NDUFA10: variants seen among roughly 807,000 people sequenced by gnomAD.
NDUFA10 encodes the protein NADH dehydrogenase [ubiquinone] 1 alpha subcomplex subunit 10, mitochondrial.
NDUFA10 carries 40 observed loss-of-function variants against 47.8 expected under a neutral mutation model. That is an observed-to-expected ratio of 0.84 (90% CI 0.65 to 1.09). NDUFA10 has a LOEUF of 1.09. Among genes scored for constraint, NDUFA10 ranks in the 50% least tolerant of loss-of-function variants. The pLI is 0.00. For missense variants in NDUFA10, 413 were observed against 451.1 expected (o/e 0.92, Z 0.76); for synonymous variants, 183 against 172.2 (o/e 1.06, Z -0.49).
At chr2:240,007,283 G>A in intron 7 of NDUFA10, 33 bp downstream of exon 7, 1 of 1,494,858 alleles carries the variant, frequency 6.7e-7, no homozygotes, top group South Asian at 1.1e-5. Flanking sequence ...TCAAATGTAG[G>A]AATAACTTTC....
intron 4 of NDUFA10, among the ~76,000 whole-genome samples, chr2:239,949,209 G>C (rs1335333100): frequency 2.0e-5 from 3 of 152,344 alleles, no homozygotes; most frequent in Non-Finnish European, 4.4e-5. Context: ...AGGAGCTTGG[G>C]GCAGGAATGA....
chr2:239,935,212 G>C (rs1382144648), intron 4 of NDUFA10, among the ~76,000 whole-genome samples: 3 of 152,180 alleles, frequency 2.0e-5, no homozygotes, highest in African/African-American at 7.2e-5. Flanking sequence ...GTATTGGAAG[G>C]CCCTCGTTTC....
intron 9 of NDUFA10, among the ~76,000 whole-genome samples, chr2:239,966,401 CAT>C (rs1411489804): frequency 2.0e-5 from 3 of 152,146 alleles, no homozygotes; most frequent in Non-Finnish European, 4.4e-5. Flanking sequence ...CAAAATGACA[CAT>C]GAGGGTGTGC....
chr2:239,922,419 G>A (rs1171751614), intron 4 of NDUFA10, among the ~76,000 whole-genome samples: 1 of 152,220 alleles, frequency 6.6e-6, no homozygotes, highest in East Asian at 1.9e-4. Context: ...CCAGGACAGA[G>A]AGGAGCACTC....
Position 240,021,838 on chromosome 2 carries a change from C to A in NDUFA10, c.244+334G>T, listed in dbSNP as rs977426469. On this transcript the variant is annotated intron_variant, in intron 2 of 9. Coordinates refer to ENST00000252711, the MANE Select transcript of NDUFA10 (RefSeq NM_004544.4). ...AGTACACCCATCTGTGAGTGAGTAC[C>A]ATCCTCGGCTCTATTTCAGAGGCTG... Among the ~76,000 whole-genome samples the A allele has an allele frequency of 5.9e-5, 9 of 152,174 alleles. 1 individual carries two copies. Among genetic ancestry groups the A allele is most frequent in the Admixed American group, 5.2e-4 (8 of 15,278 alleles).
chr2:239,907,990 A>G (rs1693686430), intron 4 of NDUFA10, among the ~76,000 whole-genome samples: 1 of 152,240 alleles, frequency 6.6e-6, no homozygotes, highest in South Asian at 2.1e-4. Flanking sequence ...AAGACTTGGA[A>G]CCAACCCAGA....
intron 5 of NDUFA10, chr2:240,014,529 GC>G: frequency 1.5e-6 from 1 of 680,234 alleles, no homozygotes; most frequent in Non-Finnish European, 2.5e-6. Context: ...GCACTGGTGG[GC>G]GGCAGGCCCG....
intron 9 of NDUFA10, among the ~76,000 whole-genome samples, chr2:239,966,212 C>A (rs1306672931): frequency 2.0e-5 from 3 of 152,194 alleles, no homozygotes; most frequent in African/African-American, 7.2e-5. Flanking sequence ...CAGTCACCGA[C>A]AACCTGGGCT....
intron 9 of NDUFA10, chr2:239,981,984 C>A: frequency 8.4e-7 from 1 of 1,196,242 alleles, no homozygotes; most frequent in Non-Finnish European, 1.2e-6. Flanking sequence ...GAAAAGGCAT[C>A]CATGGCCTCC....
Position 239,945,495 on chromosome 2 carries a change from G to A in NDUFA10, c.294+44579C>T, listed in dbSNP as rs953402078. ...CCCCAACCGGAACGCAGGCTGCACCGCGAGGCTCCCTGCGCCCCACCGAGC... is the reference window on the plus strand; with the variant it reads ...CCCCAACCGGAACGCAGGCTGCACCACGAGGCTCCCTGCGCCCCACCGAGC... On this transcript the variant is annotated intron_variant, in intron 4 of 5. Transcript: ENST00000419408. This position sits in a 1 kb window ranked among gnomAD's most constrained non-coding sequence, Gnocchi z 4.6. Among the ~76,000 whole-genome samples, 9 of 152,180 alleles carry A rather than the reference G, an allele frequency of 5.9e-5. No homozygotes were observed. Among genetic ancestry groups the A allele is most frequent in the Admixed American group, 2.0e-4 (3 of 15,292 alleles).
intron 3 of NDUFA10, among the ~76,000 whole-genome samples, chr2:240,019,087 C>T (rs1249621602): frequency 1.3e-5 from 2 of 152,106 alleles, no homozygotes; most frequent in African/African-American, 2.4e-5. Context: ...AGCACTAGTC[C>T]CCAGGGTCCC....
chr2:239,920,913 C>G (rs1305114961), intron 4 of NDUFA10, among the ~76,000 whole-genome samples: 1 of 152,148 alleles, frequency 6.6e-6, no homozygotes, highest in Non-Finnish European at 1.5e-5. Context: ...CCCTCTGAGT[C>G]TCCCCAGGTG....
At chr2:239,995,882 A>G (rs1459627743) in intron 8 of NDUFA10, among the ~76,000 whole-genome samples, 5 of 152,244 alleles carry the variant, frequency 3.3e-5, no homozygotes, top group Admixed American at 3.3e-4. Flanking sequence ...CTTCAAGAAG[A>G]TAATAACCTA....
intron 4 of NDUFA10, among the ~76,000 whole-genome samples, chr2:239,919,174 C>T (rs1231368825): frequency 6.6e-6 from 1 of 152,230 alleles, no homozygotes; most frequent in Non-Finnish European, 1.5e-5. Context: ...GCTCCAGCCA[C>T]CATGTGGACC....
In NDUFA10 at chr2:240,014,850, G is replaced by A. The variant is rs1407750102; in HGVS notation, c.558C>T (p.His186=). The A allele has an allele frequency of 1.9e-6, 3 of 1,614,214 alleles. No individual in the cohort carries two copies. Among genetic ancestry groups the A allele is most frequent in the Non-Finnish European group, 2.5e-6 (3 of 1,180,030 alleles). ...TGGTGACGCTCTTCACCTCGTTGTA[G>A]TGGTCCACACCTGGCACATAGGAGA... ...QGFIRKQCVD[H]YNEVKSVTIC... The change falls in exon 5 of 10, where the codon CAC becomes CAT. Residue 186 remains histidine (H), a synonymous_variant. Coordinates refer to ENST00000252711, the MANE Select transcript of NDUFA10 (RefSeq NM_004544.4).
At chr2:240,024,902 A>G (rs1029169736) in intron 1 of NDUFA10, among the ~76,000 whole-genome samples, 9 of 152,228 alleles carry the variant, frequency 5.9e-5, no homozygotes, top group Non-Finnish European at 1.3e-4. Context: ...TACGTGAATT[A>G]TCTAATGACA....
At chr2:239,921,729 C>T (rs1318086313) in intron 4 of NDUFA10, among the ~76,000 whole-genome samples, 4 of 152,096 alleles carry the variant, frequency 2.6e-5, no homozygotes, top group Non-Finnish European at 5.9e-5. Context: ...GGGATGAGGC[C>T]GGGTCAGACA....
intron 9 of NDUFA10, 88 bp from the exon 10 acceptor site, chr2:239,961,274 C>A: frequency 6.3e-7 from 1 of 1,599,970 alleles, no homozygotes; most frequent in Non-Finnish European, 8.5e-7. Flanking sequence ...CGGCAGATGC[C>A]TGTACTTCAT....
intron 9 of NDUFA10, among the ~76,000 whole-genome samples, chr2:239,962,754 C>A (rs1442805844): frequency 2.0e-5 from 3 of 152,044 alleles, no homozygotes; most frequent in Non-Finnish European, 1.5e-5. Flanking sequence ...AGGAAGCTTC[C>A]AATCATAGTG....
Sources: allele counts gnomAD v4.1 joint callset (sites outside exome capture counted in the v4.1 genomes callset), GRCh38; gene constraint gnomAD v4.1.1; non-coding constraint Gnocchi (gnomAD v3.1); transcripts MANE v1.5; gene names NCBI Gene and HGNC (gene_info 2026-07-23, HGNC 2026-07-21).